Variants in GTF2E1 observed in about 807,000 individuals in gnomAD.
GTF2E1 encodes general transcription factor IIE subunit 1, also known as TFIIE alpha subunit.
In GTF2E1, 14 loss-of-function variants were observed where a neutral mutation model predicts 34.9. That is an observed-to-expected ratio of 0.40 (90% CI 0.27 to 0.63). The LOEUF (loss-of-function observed/expected upper bound fraction) is 0.63. GTF2E1 is among the 20% of genes least tolerant of loss of function. The pLI, the probability that GTF2E1 is intolerant of heterozygous loss-of-function variation, is 0.39. For missense variants in GTF2E1, 469 were observed against 557.7 expected, an observed-to-expected ratio of 0.84 and a Z score of 1.60; for synonymous variants, 188 against 192.9, an observed-to-expected ratio of 0.97 and a Z score of 0.21.
rs1709448919 is a variant in GTF2E1, at chr3:120,781,630, A to T, written c.*160A>T. 6 of 617,906 alleles carry T rather than the reference A, an allele frequency of 9.7e-6. No individual in the cohort carries two copies. In the East Asian group the frequency reaches 1.7e-4, roughly 17 times the overall value. The allele number at this position is 617,906 out of a possible 1,614,324, so 38.3% of individuals were successfully genotyped here. A position where few individuals can be genotyped will look rare whatever the true frequency, so the allele number is the denominator to read the frequency against. Reference sequence around the variant, plus strand: ...GTAGAGAGTTTGACTTTTATGCCAGAAACTTTCCCAGCAAGGTAGGGTGCT... The same window carrying T: ...GTAGAGAGTTTGACTTTTATGCCAGTAACTTTCCCAGCAAGGTAGGGTGCT... On this transcript the variant is annotated 3_prime_UTR_variant, in exon 5 of 5. Coordinates refer to ENST00000283875, the MANE Select transcript of GTF2E1 (RefSeq NM_005513.3).
At chr3:120,771,855 G>C (rs925173490) in intron 3 of GTF2E1, among the ~76,000 whole-genome samples, 4 of 152,148 alleles carry the variant, frequency 2.6e-5, no homozygotes, top group African/African-American at 9.7e-5. Flanking sequence ...CTTTGCCTGT[G>C]ATAACAGAAT....
intron 2 of GTF2E1, among the ~76,000 whole-genome samples, chr3:120,759,092 CTT>C (rs1387231112): frequency 1.3e-5 from 2 of 152,172 alleles, no homozygotes; most frequent in Non-Finnish European, 2.9e-5. Flanking sequence ...TGTTTCCTGA[CTT>C]TTTAATGATT....
At chr3:120,742,816 T>A (rs1222557841) in intron 1 of GTF2E1, 22 bp downstream of exon 1, 3 of 423,486 alleles carry the variant, frequency 7.1e-6, no homozygotes, top group African/African-American at 6.0e-5. Flanking sequence ...TCCCTGTTCC[T>A]TGTTCGGAGT....
chr3:120,750,348 T>C (rs1709153882), intron 1 of GTF2E1, among the ~76,000 whole-genome samples, 175 bp from the exon 2 acceptor site: 1 of 152,232 alleles, frequency 6.6e-6, no homozygotes, highest in African/African-American at 2.4e-5. Flanking sequence ...ATGTAAAGCT[T>C]TTTGGGTGTA....
rs183066151 is a variant in GTF2E1, at chr3:120,747,196, C to T, written c.-30-3327C>T. On this transcript the variant is annotated intron_variant, in intron 1 of 4. Coordinates refer to ENST00000283875, the MANE Select transcript of GTF2E1 (RefSeq NM_005513.3). ...TTGGCTCACAGCAACCTCCACCTCC[C>T]GAAGCCCAGGTTTTTATTTTATTTT... 1.9e-3 allele frequency among the ~76,000 whole-genome samples: 289 copies of T among 151,328 alleles called. 1 individual carries two copies. The highest frequency in any genetic ancestry group is 4.0e-3 in the South Asian group (19 of 4,784).
intron 1 of GTF2E1, among the ~76,000 whole-genome samples, chr3:120,748,288 C>A (rs1709126749): frequency 6.6e-6 from 1 of 151,372 alleles, no homozygotes; most frequent in Non-Finnish European, 1.5e-5. Context: ...GCTTTTGTTG[C>A]CATTGCTTTT....
Position 120,781,073 on chromosome 3 carries a change from G to C in GTF2E1, c.923G>C (p.Arg308Pro). ...ATAGATATGGACGCATTTCAGGAGC[G>C]TGAGGAAGGCCATGCTGGGCCTGAT... ...GGIDMDAFQEREEGHAGPDDN... is the reference protein window; with the variant it reads ...GGIDMDAFQEPEEGHAGPDDN... Residue 308 changes from arginine (R) to proline (P), a missense_variant, in exon 5 of 5, where the codon CGT (arginine) becomes CCT (proline). By Grantham distance (103) the Arg-to-Pro change is moderately radical. Coordinates refer to ENST00000283875, the MANE Select transcript of GTF2E1 (RefSeq NM_005513.3). The C allele has an allele frequency of 1.2e-6, 2 of 1,613,666 alleles. No individual in the cohort carries two copies. The highest frequency in any genetic ancestry group is 8.5e-7 in the Non-Finnish European group (1 of 1,179,696).
intron 4 of GTF2E1, among the ~76,000 whole-genome samples, chr3:120,780,550 C>T (rs2107614630): frequency 6.6e-6 from 1 of 152,258 alleles, no homozygotes; most frequent in South Asian, 2.1e-4. Flanking sequence ...GGTAGATGAT[C>T]AGGAAGGATT....
chr3:120,745,141 G>A (rs1426606783), intron 1 of GTF2E1, among the ~76,000 whole-genome samples: 1 of 152,116 alleles, frequency 6.6e-6, no homozygotes, highest in Non-Finnish European at 1.5e-5. Context: ...GGCTCTGACA[G>A]TCCCCCAACC....
In GTF2E1 at chr3:120,781,333, A is replaced by G. The variant is rs1198194661; in HGVS notation, c.1183A>G (p.Ile395Val). 4 of 1,614,094 alleles carry G rather than the reference A, an allele frequency of 2.5e-6. No homozygotes were observed. In the South Asian group the frequency reaches 4.4e-5, roughly 18 times the overall value. The change falls in exon 5 of 5, where the codon ATT (isoleucine) becomes GTT (valine). Residue 395 changes from isoleucine to valine, a missense_variant. Transcript: ENST00000283875. ...DEFEEVADDP[I>V]VMVAGRPFSY... ...GTTTGAAGAAGTAGCAGATGACCCC[A>G]TTGTCATGGTGGCTGGCCGTCCGTT...
intron 2 of GTF2E1, among the ~76,000 whole-genome samples, chr3:120,751,881 T>A (rs1235427404): frequency 6.6e-6 from 1 of 152,174 alleles, no homozygotes; most frequent in Non-Finnish European, 1.5e-5. Context: ...AGTTCATAGA[T>A]CTGCTTTTTT....
At chr3:120,747,407 C>T (rs1000161894) in intron 1 of GTF2E1, among the ~76,000 whole-genome samples, 1 of 152,228 alleles carries the variant, frequency 6.6e-6, no homozygotes, top group Admixed American at 6.5e-5. Context: ...CTCCCTCCTC[C>T]CCACAATAGG....
Position 120,759,758 on chromosome 3 carries a change from G to A in GTF2E1, c.448+8758G>A, listed in dbSNP as rs539093381. Among the ~76,000 whole-genome samples, 22 of 152,280 alleles carry A rather than the reference G, an allele frequency of 1.4e-4. No homozygotes were observed. The East Asian group carries it at 3.1e-3, about 21-fold the overall frequency. On this transcript the variant is annotated intron_variant, in intron 2 of 4. Transcript: ENST00000283875. ...AAGATCAGATGGTTATAGAGGTGTG[G>A]TGTTATTTCTGAGGCCTCTGTTCTG...
intron 2 of GTF2E1, among the ~76,000 whole-genome samples, chr3:120,756,965 C>CT (rs991921135): frequency 6.6e-6 from 1 of 152,054 alleles, no homozygotes; most frequent in African/African-American, 2.4e-5. Flanking sequence ...AATCTTTTAT[C>CT]TTTTTTGTAT....
chr3:120,755,614 C>A (rs1488065143), intron 2 of GTF2E1, among the ~76,000 whole-genome samples: 2 of 152,076 alleles, frequency 1.3e-5, no homozygotes, highest in Non-Finnish European at 2.9e-5. Flanking sequence ...ATGCATTTAT[C>A]CTTTGTGTTA....
At chr3:120,780,422 C>G (rs972620089) in intron 4 of GTF2E1, among the ~76,000 whole-genome samples, 3 of 152,082 alleles carry the variant, frequency 2.0e-5, no homozygotes, top group Non-Finnish European at 4.4e-5. Flanking sequence ...GAAAAATATT[C>G]CAGGCAGAGG....
chr3:120,755,532 A>G (rs779492475), intron 2 of GTF2E1, among the ~76,000 whole-genome samples: 4 of 152,212 alleles, frequency 2.6e-5, no homozygotes, highest in Non-Finnish European at 4.4e-5. Context: ...TTTATGGGGT[A>G]CATGAGATGT....
intron 1 of GTF2E1, among the ~76,000 whole-genome samples, chr3:120,744,425 G>T (rs565488521): frequency 6.6e-6 from 1 of 152,276 alleles, no homozygotes; most frequent in South Asian, 2.1e-4. Context: ...AGTTTCATTT[G>T]TTCAGCTACC....
Position 120,750,875 on chromosome 3 carries a change from A to C in GTF2E1, c.323A>C (p.Asp108Ala). The change falls in exon 2 of 5, where the codon GAC (aspartate) becomes GCC (alanine). Residue 108 changes from aspartate (D) to alanine (A), a missense_variant. By Grantham distance (126) the Asp-to-Ala change is moderately radical (BLOSUM62 -2). Transcript: ENST00000283875. ...TLVNVVKYKL[D>A]HMRRRIETDE... ...GTTAATGTGGTAAAATATAAACTGGACCACATGAGAAGAAGAATTGAGACC... is the reference window on the plus strand; with the variant it reads ...GTTAATGTGGTAAAATATAAACTGGCCCACATGAGAAGAAGAATTGAGACC... 1 of 1,613,940 alleles carries C rather than the reference A, an allele frequency of 6.2e-7. No homozygotes were observed. Among genetic ancestry groups the C allele is most frequent in the Non-Finnish European group, 8.5e-7 (1 of 1,179,852 alleles).
Sources: gnomAD v4.1 joint callset for allele counts (sites outside exome capture counted in the v4.1 genomes callset) on GRCh38, gnomAD v4.1.1 for gene constraint, MANE v1.5 for transcripts, NCBI Gene and HGNC (gene_info 2026-07-23, HGNC 2026-07-21) for gene names.